Variants in ABI3BP observed in about 807,000 individuals in gnomAD.
The protein encoded by ABI3BP is target of Nesh-SH3.
ABI3BP carries 216 observed loss-of-function variants against 268.6 expected under a neutral mutation model. The ratio of observed to expected loss-of-function variants is 0.80; its 90% confidence interval spans 0.72 to 0.90. The LOEUF is 0.90. Among genes scored for constraint, ABI3BP ranks in the 40% least tolerant of loss-of-function variants. ABI3BP has a pLI of 0.00. For missense variants in ABI3BP, 2,090 were observed against 2,182.4 expected, an observed-to-expected ratio of 0.96 and a Z score of 0.84; for synonymous variants, 730 against 730.0, an observed-to-expected ratio of 1.00 and a Z score of 0.00.
intron 1 of ABI3BP, among the ~76,000 whole-genome samples, chr3:100,958,297 A>T (rs377297670): frequency 1.7e-4 from 26 of 152,304 alleles, no homozygotes; most frequent in South Asian, 8.3e-4. Context: ...AACAAAGAAG[A>T]GATAAAGTGA....
chr3:100,781,617 T>TG (rs2096866177), intron 57 of ABI3BP, among the ~76,000 whole-genome samples: 1 of 152,070 alleles, frequency 6.6e-6, no homozygotes, highest in Non-Finnish European at 1.5e-5. Context: ...AATACCTGCA[T>TG]GGGGGTCACT....
chr3:100,753,183 C>CT (rs1281450305), intron 65 of ABI3BP, among the ~76,000 whole-genome samples: 1 of 152,142 alleles, frequency 6.6e-6, no homozygotes, highest in Non-Finnish European at 1.5e-5. Context: ...CTCTGCAGAG[C>CT]TGGATGTAGA....
intron 20 of ABI3BP, 78 bp from the exon 21 acceptor site, chr3:100,842,117 A>T (rs953549514): frequency 1.6e-6 from 2 of 1,236,814 alleles, no homozygotes; most frequent in Non-Finnish European, 2.3e-6. Flanking sequence ...TCTTGACTAT[A>T]AACGGAGTTC....
chr3:100,778,753 T>C (rs901109790), intron 58 of ABI3BP: 1 of 191,884 alleles, frequency 5.2e-6, no homozygotes, highest in African/African-American at 2.4e-5. Flanking sequence ...GTAACAATTA[T>C]TTATATTGCA....
At chr3:100,874,807 C>T in intron 9 of ABI3BP, 34 bp downstream of exon 9, 16 of 1,323,828 alleles carry the variant, frequency 1.2e-5, no homozygotes, top group Non-Finnish European at 1.6e-5. Flanking sequence ...TACTCAGTTA[C>T]TGCAAAGTTC....
At chr3:100,752,051 A>T (rs756479410) in intron 66 of ABI3BP, among the ~76,000 whole-genome samples, 4 of 152,116 alleles carry the variant, frequency 2.6e-5, no homozygotes, top group Non-Finnish European at 5.9e-5. Flanking sequence ...TAGGCCTTTG[A>T]CCTTCTCTTT....
intron 9 of ABI3BP, among the ~76,000 whole-genome samples, chr3:100,874,069 G>T (rs1433107545): frequency 6.6e-6 from 1 of 152,144 alleles, no homozygotes; most frequent in Non-Finnish European, 1.5e-5. Flanking sequence ...CATTGGAGGG[G>T]TAGTTCTCAA....
At chr3:100,938,517 C>A (rs2067306841) in intron 1 of ABI3BP, among the ~76,000 whole-genome samples, 1 of 151,950 alleles carries the variant, frequency 6.6e-6, no homozygotes, top group South Asian at 2.1e-4. Context: ...AAGACAGTGG[C>A]CAGAGACAAT....
intron 9 of ABI3BP, among the ~76,000 whole-genome samples, chr3:100,868,270 G>A (rs2099074266): frequency 6.6e-6 from 1 of 152,160 alleles, no homozygotes; most frequent in Admixed American, 6.5e-5. Context: ...GGATGTTGAA[G>A]AGTATTCTTG....
At chr3:100,950,881 C>G (rs1438190355) in intron 1 of ABI3BP, among the ~76,000 whole-genome samples, 1 of 151,764 alleles carries the variant, frequency 6.6e-6, no homozygotes, top group Non-Finnish European at 1.5e-5. Flanking sequence ...ATGGGACAAC[C>G]TGTTTTATGG....
At chr3:100,795,880 A>G in intron 52 of ABI3BP, 29 bp from the exon 53 acceptor site, 3 of 1,271,242 alleles carry the variant, frequency 2.4e-6, no homozygotes, top group Non-Finnish European at 2.0e-6. Context: ...AAAGGAACAT[A>G]TTTATGAGAA....
intron 21 of ABI3BP, 24 bp from the exon 22 acceptor site, chr3:100,840,882 CAAGA>C: frequency 6.6e-7 from 1 of 1,523,912 alleles, no homozygotes; most frequent in Non-Finnish European, 8.8e-7. Context: ...AAAAAATCAC[CAAGA>C]AAGAATCAAG....
chr3:100,775,306 G>T lies in ABI3BP; in HGVS notation c.4363C>A (p.Pro1455Thr). 6.2e-7 allele frequency: 1 copy of T among 1,607,758 alleles called. No individual in the cohort carries two copies. The highest frequency in any genetic ancestry group is 1.3e-5 in the African/African-American group (1 of 74,962). The change falls in exon 60 of 68, where the codon CCA (proline) becomes ACA (threonine). Residue 1455 changes from proline (P) to threonine (T), a missense_variant. Physicochemically the swap from Pro to Thr is conservative, Grantham distance 38. Coordinates refer to ENST00000471714, the MANE Select transcript of ABI3BP (RefSeq NM_001375547.2). Reference protein sequence around the residue: ...GIISSGPITTPPLRSTPRPTG... With the variant: ...GIISSGPITTTPLRSTPRPTG... ...GGCCTGGGTGTTGACCTCAGGGGTG[G>T]TGTAGTTATTGGGCCTGATGAAATG...
chr3:100,838,059 A>T, intron 26 of ABI3BP, 151 bp downstream of exon 26: 1 of 842,224 alleles, frequency 1.2e-6, no homozygotes. Context: ...TTTAGCACTT[A>T]AAACATCAGT....
intron 32 of ABI3BP, 34 bp downstream of exon 32, chr3:100,830,544 G>C (rs2098473476): frequency 6.6e-7 from 1 of 1,519,270 alleles, no homozygotes; most frequent in African/African-American, 1.4e-5. Flanking sequence ...ATGAGCAGGA[G>C]AGGCAGATGT....
In ABI3BP at chr3:100,830,573, A is replaced by G. The variant is rs1171481777; in HGVS notation, c.2458+5T>C. ...CAGATGTTGATGGACATAATGTGCC[A>G]TTACCTGCTGTTGTCCCTGAAGCCT... On this transcript the variant is annotated splice_donor_5th_base_variant and intron_variant, in intron 32 of 67. Coordinates refer to ENST00000471714, the MANE Select transcript of ABI3BP (RefSeq NM_001375547.2). The G allele has an allele frequency of 6.5e-7, 1 of 1,534,246 alleles. No homozygotes were observed. Among genetic ancestry groups the G allele is most frequent in the East Asian group, 2.4e-5 (1 of 40,884 alleles).
chr3:100,959,719 G>A (rs1450903141), intron 1 of ABI3BP, among the ~76,000 whole-genome samples: 1 of 151,958 alleles, frequency 6.6e-6, no homozygotes, highest in Non-Finnish European at 1.5e-5. Context: ...ATACTCTCTG[G>A]TAAATCAGTC....
intron 56 of ABI3BP, among the ~76,000 whole-genome samples, chr3:100,788,596 C>A (rs192993503): frequency 2.0e-5 from 3 of 152,162 alleles, no homozygotes; most frequent in African/African-American, 7.2e-5. Context: ...ACCAGTCTCA[C>A]ATTAAGCTCT....
At chr3:100,751,989 C>T (rs1234535058) in intron 66 of ABI3BP, among the ~76,000 whole-genome samples, 1 of 152,212 alleles carries the variant, frequency 6.6e-6, no homozygotes, top group Non-Finnish European at 1.5e-5. Context: ...CCTGCCCCTC[C>T]ACTTACTAAG....
Sources: allele counts gnomAD v4.1 joint callset (sites outside exome capture counted in the v4.1 genomes callset), GRCh38; gene constraint gnomAD v4.1.1; transcripts MANE v1.5; gene names NCBI Gene and HGNC (gene_info 2026-07-23, HGNC 2026-07-21).